Variants in GALK2 observed in about 807,000 individuals in gnomAD.
GALK2 encodes the protein N-acetylgalactosamine kinase.
In GALK2, 36 loss-of-function variants were observed where a neutral mutation model predicts 52.4. The ratio of observed to expected loss-of-function variants is 0.69; its 90% CI spans 0.53 to 0.91. GALK2 has a LOEUF of 0.91. GALK2 is among the 40% of genes least tolerant of loss of function. The pLI is 0.00. For missense variants in GALK2, 579 were observed against 559.1 expected (o/e 1.04, Z -0.36); for synonymous variants, 176 against 199.1 (o/e 0.88, Z 0.98).
intron 1 of GALK2, among the ~76,000 whole-genome samples, chr15:49,198,633 G>C (rs187067878): frequency 2.0e-5 from 3 of 151,780 alleles, no homozygotes; most frequent in Non-Finnish European, 4.4e-5. Context: ...AGTTTTTTTG[G>C]TATCTTTTAA....
chr15:49,259,101 A>G (rs2091963239), intron 5 of GALK2, among the ~76,000 whole-genome samples: 1 of 151,640 alleles, frequency 6.6e-6, no homozygotes. Context: ...ATACATATAT[A>G]TATATGTATA....
downstream of GALK2, among the ~76,000 whole-genome samples, chr15:49,335,724 A>ACT (rs1395047304): frequency 3.3e-5 from 5 of 152,374 alleles, no homozygotes; most frequent in African/African-American, 1.2e-4. Context: ...ACCATAGGGC[A>ACT]CTATGATTTA....
At chr15:49,302,756 C>G (rs1291972804) in intron 8 of GALK2, among the ~76,000 whole-genome samples, 4 of 152,088 alleles carry the variant, frequency 2.6e-5, no homozygotes, top group Admixed American at 1.3e-4. Context: ...AGACGAAACT[C>G]CAAAGGAAGT....
At chr15:49,266,146 C>G (rs535984026) in intron 5 of GALK2, among the ~76,000 whole-genome samples, 69 of 152,268 alleles carry the variant, frequency 4.5e-4, no homozygotes, top group African/African-American at 1.7e-3. Flanking sequence ...CCTTGGGCCA[C>G]ATGTTTATCA....
intron 5 of GALK2, among the ~76,000 whole-genome samples, chr15:49,278,815 G>A (rs1444976407): frequency 6.6e-6 from 1 of 152,234 alleles, no homozygotes; most frequent in African/African-American, 2.4e-5. Flanking sequence ...CTGCTGTGAA[G>A]AAATACTTGA....
chr15:49,352,072 T>C (rs955736765), intron 3 of GALK2, among the ~76,000 whole-genome samples: 1 of 152,172 alleles, frequency 6.6e-6, no homozygotes, highest in Non-Finnish European at 1.5e-5. Context: ...TCCTCATTTA[T>C]GTGTCTGGGG....
chr15:49,264,846 C>A (rs867437561), intron 5 of GALK2, among the ~76,000 whole-genome samples: 3 of 152,140 alleles, frequency 2.0e-5, no homozygotes, highest in Non-Finnish European at 4.4e-5. Flanking sequence ...CACTCCAGAC[C>A]CTGTTTGCCT....
intron 3 of GALK2, among the ~76,000 whole-genome samples, chr15:49,359,784 G>A (rs1242279676): frequency 5.9e-5 from 8 of 134,746 alleles, no homozygotes; most frequent in African/African-American, 2.3e-4. Flanking sequence ...AAAGACACAT[G>A]CACATGTATG....
exon 1 of GALK2, chr15:49,155,949 G>C: frequency 6.2e-7 from 1 of 1,610,434 alleles, no homozygotes; most frequent in Non-Finnish European, 8.5e-7. Context: ...TCCGGTGAAA[G>C]TAAGGGACAG....
At chr15:49,261,830 T>A (rs1190003118) in intron 5 of GALK2, among the ~76,000 whole-genome samples, 1 of 152,134 alleles carries the variant, frequency 6.6e-6, no homozygotes, top group Admixed American at 6.5e-5. Context: ...GATAATCATG[T>A]GGTTTTTGTC....
intron 3 of GALK2, among the ~76,000 whole-genome samples, chr15:49,230,319 A>G (rs935794235): frequency 6.6e-6 from 1 of 152,126 alleles, no homozygotes; most frequent in African/African-American, 2.4e-5. Context: ...GCGCTCTCCT[A>G]TGGCTAGGAT....
chr15:49,330,733 GAAGA>G lies in GALK2; in HGVS notation c.*2575_*2578del, dbSNP rs1461916289. 3 of 147,178 alleles carry G rather than the reference GAAGA, an allele frequency of 2.0e-5. No homozygotes were observed. The highest frequency in any genetic ancestry group is 3.0e-5 in the Non-Finnish European group (2 of 67,314). The allele number at this position is 147,178 out of a possible 1,614,324, so 9.1% of individuals were successfully genotyped here. A position where few individuals can be genotyped will look rare whatever the true frequency, so the allele number is the denominator to read the frequency against. On this transcript the variant is annotated 3_prime_UTR_variant, in exon 10 of 10. Coordinates refer to ENST00000560031, the MANE Select transcript of GALK2 (RefSeq NM_002044.4). ...TGCCCATGTCCCTATCAATAGTAGG[GAAGA>G]TAGACCAAAAAAAAAAAAAAAGAGA...
At chr15:49,228,687 A>ATATACATATATTTTTTTTTTTTTT (rs1555409061) in intron 3 of GALK2, among the ~76,000 whole-genome samples, 1 of 14,274 alleles carries the variant, frequency 7.0e-5, no homozygotes, top group African/African-American at 3.4e-4. Flanking sequence ...ATATATATAT[A>ATATACATATATTTTTTTTTTTTTT]TTTTTTTTTT....
chr15:49,288,208 A>G (rs571415802), intron 7 of GALK2, among the ~76,000 whole-genome samples: 5 of 152,344 alleles, frequency 3.3e-5, no homozygotes, highest in African/African-American at 1.2e-4. Flanking sequence ...TTTCTTATAC[A>G]GTATCCCTTA....
chr15:49,196,899 G>A (rs6493354), intron 1 of GALK2, among the ~76,000 whole-genome samples: 9,082 of 152,232 alleles, frequency 0.06, 539 homozygotes, highest in African/African-American at 0.15. Flanking sequence ...AGACCAGCCT[G>A]GGCAACATAG....
chr15:49,340,771 G>A (rs1318034418), intron 3 of GALK2, among the ~76,000 whole-genome samples: 1 of 152,078 alleles, frequency 6.6e-6, no homozygotes, highest in Non-Finnish European at 1.5e-5. Context: ...AGTTTAATTA[G>A]GTCCCACTTG....
Position 49,201,174 on chromosome 15 carries a change from A to G in GALK2, c.66A>G (p.Leu22=), listed in dbSNP as rs2087736922. 3 of 1,598,730 alleles carry G rather than the reference A, an allele frequency of 1.9e-6. No homozygotes were observed. Among genetic ancestry groups the G allele is most frequent in the Non-Finnish European group, 2.6e-6 (3 of 1,166,882 alleles). The change falls in exon 2 of 10, where the codon CTA becomes CTG. Residue 22 remains leucine (L), a synonymous_variant. Transcript: ENST00000560031. ...CTTTTATTTTCAGGTTACTGAAGCTAAAGGAGATGTTTAACTCCAAGTTTG... is the reference window on the plus strand; with the variant it reads ...CTTTTATTTTCAGGTTACTGAAGCTGAAGGAGATGTTTAACTCCAAGTTTG... ...QVAEHPRLLK[L]KEMFNSKFGS... is the part of the protein sequence containing the mutation.
At chr15:49,201,370 A>C (rs574187094) in intron 2 of GALK2, 120 bp downstream of exon 2, 18 of 570,254 alleles carry the variant, frequency 3.2e-5, no homozygotes, top group Middle Eastern at 4.7e-4. Context: ...GTATCTACTA[A>C]TAGTAAGATG....
At chr15:49,183,699 C>G (rs1233654183) in intron 1 of GALK2, among the ~76,000 whole-genome samples, 4 of 151,994 alleles carry the variant, frequency 2.6e-5, no homozygotes, top group Non-Finnish European at 4.4e-5. Context: ...CAAAATTAGC[C>G]AGGCGTGGTG....
Sources: allele counts gnomAD v4.1 joint callset (sites outside exome capture counted in the v4.1 genomes callset), GRCh38; gene constraint gnomAD v4.1.1; transcripts MANE v1.5; gene names NCBI Gene and HGNC (gene_info 2026-07-23, HGNC 2026-07-21).